Variants in INSYN2B observed in about 807,000 individuals in gnomAD.
INSYN2B encodes inhibitory synaptic factor family member 2B, also known as protein INSYN2B.
In INSYN2B, 16 loss-of-function variants were observed where a neutral mutation model predicts 41.2. The observed-to-expected ratio is 0.39, with a 90% CI of 0.26 to 0.59. The LOEUF is 0.59. Ranked by LOEUF, INSYN2B falls within the 20% of genes least tolerant of loss-of-function variation. The probability of loss-of-function intolerance (pLI) is 0.57; values close to 1 mark genes in which losing one functional copy is unlikely to be tolerated. For synonymous variants in INSYN2B, 245 were observed against 244.4 expected, an observed-to-expected ratio of 1.00 and a Z score of -0.02; for missense variants, 608 against 646.4, an observed-to-expected ratio of 0.94 and a Z score of 0.64.
At position 169,864,423 on chromosome 5, in the gene INSYN2B, G is replaced by A. The variant is rs527344873; in HGVS notation, c.1458C>T (p.Phe486=). ...CCTCCAGACTCTGCAAAACTTCATG[G>A]AACCTGCCTTCCTGCTGCCGAAAAT... ...EYDFRQQEGR[F]HEVLQSLEEA... is the part of the protein sequence containing the mutation. Residue 486 remains phenylalanine (F), a synonymous_variant, in exon 4 of 4, where the codon TTC becomes TTT. Transcript: ENST00000377365. 7 of 1,549,196 alleles carry A rather than the reference G, an allele frequency of 4.5e-6. No individual in the cohort carries two copies. The highest frequency in any genetic ancestry group is 6.1e-6 in the Non-Finnish European group (7 of 1,145,918).
Position 169,871,582 on chromosome 5 carries a change from A to C in INSYN2B, c.1422-7123T>G, listed in dbSNP as rs149883392. 9.5e-3 allele frequency among the ~76,000 whole-genome samples: 1,442 copies of C among 152,366 alleles called. 22 individuals carry two copies. Among genetic ancestry groups the C allele is most frequent in the African/African-American group, 0.033 (1,367 of 41,584 alleles). ...TGCCAAGGGCATGTAAATATAAGTG[A>C]CAGAGTCAGAATCCGAACCCTGACA... On this transcript the variant is annotated intron_variant, in intron 3 of 3. Transcript: ENST00000377365.
chr5:169,948,567 T>A (rs1304665869), intron 1 of INSYN2B, among the ~76,000 whole-genome samples: 37 of 151,588 alleles, frequency 2.4e-4, no homozygotes, highest in Admixed American at 2.4e-3. Flanking sequence ...TCTTTATCCC[T>A]CCCTCCTTCC....
intron 1 of INSYN2B, among the ~76,000 whole-genome samples, chr5:169,967,208 T>TGA (rs1263137418): frequency 6.6e-6 from 1 of 152,178 alleles, no homozygotes; most frequent in African/African-American, 2.4e-5. Context: ...CACAGGGACA[T>TGA]GAGAACTCAG....
At chr5:169,901,562 G>C (rs1773928447) in intron 1 of INSYN2B, among the ~76,000 whole-genome samples, 2 of 152,160 alleles carry the variant, frequency 1.3e-5, no homozygotes. Context: ...TGAACCAGTG[G>C]GGAGGCTGTA....
At chr5:169,953,099 G>T (rs191651044) in intron 1 of INSYN2B, among the ~76,000 whole-genome samples, 45 of 152,186 alleles carry the variant, frequency 3.0e-4, no homozygotes, top group Admixed American at 2.9e-3. Flanking sequence ...TGAGGTGGGC[G>T]GATCACAAGG....
chr5:169,938,111 T>C lies in INSYN2B; in HGVS notation c.-919+42166A>G, dbSNP rs1776073900. 2.6e-5 allele frequency among the ~76,000 whole-genome samples: 4 copies of C among 152,210 alleles called. No homozygotes were observed. The South Asian group carries it at 8.3e-4, about 32-fold the overall frequency. ...GCCTAACATGCACCAGCCATGGAGG[T>C]TATACTTGCAAGACAAAATGCTCCC... On this transcript the variant is annotated intron_variant, in intron 1 of 3. Coordinates refer to ENST00000377365, the MANE Select transcript of INSYN2B (RefSeq NM_001129891.3).
chr5:169,964,360 G>T (rs924918806), intron 1 of INSYN2B, among the ~76,000 whole-genome samples: 1 of 152,118 alleles, frequency 6.6e-6, no homozygotes. Context: ...CTTTTCTGTT[G>T]CCTTGGCCTG....
chr5:169,902,756 T>C (rs992708944), intron 1 of INSYN2B, among the ~76,000 whole-genome samples: 1 of 152,142 alleles, frequency 6.6e-6, no homozygotes, highest in African/African-American at 2.4e-5. Context: ...GACACGGCAG[T>C]GAGCTCAGAC....
intron 3 of INSYN2B, among the ~76,000 whole-genome samples, chr5:169,869,860 C>T (rs778398751): frequency 6.6e-6 from 1 of 152,206 alleles, no homozygotes; most frequent in Non-Finnish European, 1.5e-5. Flanking sequence ...TGTACCCTCC[C>T]ATCCTTACCA....
chr5:169,969,521 C>T (rs746062799), intron 1 of INSYN2B, among the ~76,000 whole-genome samples: 2 of 152,148 alleles, frequency 1.3e-5, no homozygotes, highest in Non-Finnish European at 2.9e-5. Context: ...TTTGCAAATA[C>T]CAAATAGTGA....
rs1773124738 is a variant in INSYN2B, at chr5:169,888,865, G to C, written c.-918-4049C>G. Among the ~76,000 whole-genome samples, 7 of 152,138 alleles carry C rather than the reference G, an allele frequency of 4.6e-5. 1 individual carries two copies. The South Asian group carries it at 1.5e-3, about 32-fold the overall frequency. ...GTCTTTGTCCCTCCTCTTTCCCTTG[G>C]GATAGTAAACTGTAGGTGCATTCAT... On this transcript the variant is annotated intron_variant, in intron 1 of 3. Transcript: ENST00000377365.
At chr5:169,978,390 T>C (rs113011664) in intron 1 of INSYN2B, among the ~76,000 whole-genome samples, 20 of 16,576 alleles carry the variant, frequency 1.2e-3, no homozygotes, top group South Asian at 2.1e-3. Context: ...TGTGTGTGTG[T>C]GTGGGGGGGG....
In INSYN2B at chr5:169,881,439, G is replaced by A. The variant is rs530661281; in HGVS notation, c.1350C>T (p.Arg450=). The A allele has an allele frequency of 3.2e-6, 5 of 1,551,416 alleles. No homozygotes were observed. In the East Asian group the frequency reaches 1.2e-4, roughly 38 times the overall value. The change falls in exon 3 of 4, where the codon CGC becomes CGT. Residue 450 remains arginine (R), a synonymous_variant. Transcript: ENST00000377365. ...LEKARALTEG[R]NFYRTGQDLN... is the part of the protein sequence containing the mutation. ...GATCTTGGCCAGTTCGATAAAAGTTGCGCCTGCAAGACAGAGCATTTGCTG... is the reference window on the plus strand; with the variant it reads ...GATCTTGGCCAGTTCGATAAAAGTTACGCCTGCAAGACAGAGCATTTGCTG...
chr5:169,886,300 T>A (rs556347400), intron 1 of INSYN2B, among the ~76,000 whole-genome samples: 1 of 152,302 alleles, frequency 6.6e-6, no homozygotes, highest in East Asian at 1.9e-4. Context: ...GTCACATACC[T>A]CTCTGAGGAG....
At chr5:169,914,758 C>A (rs1294907559) in intron 1 of INSYN2B, among the ~76,000 whole-genome samples, 1 of 152,194 alleles carries the variant, frequency 6.6e-6, no homozygotes, top group Non-Finnish European at 1.5e-5. Context: ...GGTCTTTTAG[C>A]CACCTTTGCC....
At chr5:169,926,607 G>T (rs1158777927) in intron 1 of INSYN2B, among the ~76,000 whole-genome samples, 1 of 152,134 alleles carries the variant, frequency 6.6e-6, no homozygotes, top group African/African-American at 2.4e-5. Flanking sequence ...GACAGAATAG[G>T]GTTTAAGCAA....
At chr5:169,977,122 G>GGA (rs1777743961) in intron 1 of INSYN2B, among the ~76,000 whole-genome samples, 1 of 152,184 alleles carries the variant, frequency 6.6e-6, no homozygotes, top group Middle Eastern at 3.2e-3. Context: ...TGAACAATTT[G>GGA]GACACTGTTG....
At chr5:169,875,342 T>C (rs550467722) in intron 3 of INSYN2B, 23 of 456,650 alleles carry the variant, frequency 5.0e-5, no homozygotes, top group Middle Eastern at 6.5e-4. Context: ...CCGATGCAGA[T>C]GGTCCACGAC....
intron 1 of INSYN2B, among the ~76,000 whole-genome samples, chr5:169,921,167 TG>T (rs1775155082): frequency 1.3e-5 from 2 of 152,198 alleles, no homozygotes; most frequent in Non-Finnish European, 2.9e-5. Flanking sequence ...GAAAAGTGTC[TG>T]GATGGATAGG....
Sources: gnomAD v4.1 joint callset for allele counts (sites outside exome capture counted in the v4.1 genomes callset) on GRCh38, gnomAD v4.1.1 for gene constraint, MANE v1.5 for transcripts, NCBI Gene and HGNC (gene_info 2026-07-23, HGNC 2026-07-21) for gene names.